Variants in CR1 observed in about 807,000 individuals in gnomAD.
CR1 encodes the protein complement receptor type 1.
A neutral mutation model predicts 187.3 loss-of-function variants in CR1; 116 were observed. That is an observed-to-expected ratio of 0.62 (90% CI 0.53 to 0.72). CR1 has a LOEUF of 0.72. Ranked by LOEUF, CR1 falls within the 30% of genes least tolerant of loss-of-function variation. The pLI, the probability that CR1 is intolerant of heterozygous loss-of-function variation, is 0.00. For synonymous variants in CR1, 576 were observed against 747.1 expected, an observed-to-expected ratio of 0.77 and a Z score of 3.73; for missense variants, 1,731 against 2,110.7, an observed-to-expected ratio of 0.82 and a Z score of 3.52.
chr1:207,600,973 C>A (rs564563784), intron 35 of CR1: 1 of 152,124 alleles, frequency 6.6e-6, no homozygotes, highest in African/African-American at 2.4e-5. Flanking sequence ...ATTTTTCAAT[C>A]CTTTTTGTTA....
At chr1:207,637,368 C>A (rs150758032) in intron 46 of CR1, among the ~76,000 whole-genome samples, 1 of 152,116 alleles carries the variant, frequency 6.6e-6, no homozygotes, top group East Asian at 1.9e-4. Flanking sequence ...GTAATATCAC[C>A]GCACTATTGG....
intron 46 of CR1, among the ~76,000 whole-genome samples, chr1:207,633,965 G>A (rs1571623428): frequency 6.6e-6 from 1 of 152,194 alleles, no homozygotes; most frequent in Non-Finnish European, 1.5e-5. Flanking sequence ...AAGGTGCTCA[G>A]TGGGGGAGCT....
At chr1:207,615,490 T>C (rs1371115452) in intron 40 of CR1, among the ~76,000 whole-genome samples, 2 of 152,178 alleles carry the variant, frequency 1.3e-5, no homozygotes, top group African/African-American at 2.4e-5. Context: ...AACCATCCGC[T>C]TAAATAAAAT....
rs1201411323 is a variant in CR1, at chr1:207,617,567, A to ATG, written c.6890-494_6890-493dup. Among the ~76,000 whole-genome samples the ATG allele has an allele frequency of 4.4e-3, 280 of 63,018 alleles. 7 individuals are homozygous for ATG. The highest frequency in any genetic ancestry group is 0.012 in the African/African-American group (250 of 20,962). The allele number at this position is 63,018 out of a possible 152,430, so 41.3% of individuals were successfully genotyped here. The stretch of plus-strand genomic sequence containing the variant: ...TGTGTATATATATATGTGTATATAT[A>ATG]TGTGTGTGTGTATATATATATATAT... On this transcript the variant is annotated intron_variant, in intron 41 of 46. Coordinates refer to ENST00000367049, the MANE Select transcript of CR1 (RefSeq NM_000651.6).
At chr1:207,519,570 A>G (rs1299735556) in intron 4 of CR1, among the ~76,000 whole-genome samples, 2 of 152,208 alleles carry the variant, frequency 1.3e-5, no homozygotes, top group African/African-American at 2.4e-5. Flanking sequence ...TACCGAAACT[A>G]TTAATAGTTA....
In CR1 at chr1:207,604,250, C is replaced by A. The variant is rs145201473; in HGVS notation, c.5811-3001C>A. Among the ~76,000 whole-genome samples the A allele has an allele frequency of 4.3e-4, 66 of 152,124 alleles. 3 individuals carry two copies. In the East Asian group the frequency reaches 0.011, roughly 26 times the overall value. On this transcript the variant is annotated intron_variant, in intron 35 of 46. Transcript: ENST00000367049. ...TACCATTTTTCTACTTGGGTGTTTG[C>A]CTTTTTATAATTGATGTATAAGAGT... is the stretch of plus-strand genomic sequence containing the variant.
chr1:207,564,469 A>G (rs1660424400), intron 23 of CR1, among the ~76,000 whole-genome samples: 1 of 150,272 alleles, frequency 6.7e-6, no homozygotes, highest in Admixed American at 6.6e-5. Flanking sequence ...AAAGGCAAGT[A>G]TAACTAGTGG....
intron 3 of CR1, among the ~76,000 whole-genome samples, chr1:207,507,841 A>T (rs895375120): frequency 1.3e-5 from 2 of 152,254 alleles, no homozygotes; most frequent in African/African-American, 4.8e-5. Context: ...ACAGATGTTT[A>T]TAACAGCTTT....
At chr1:207,625,893 CA>C (rs975639558) in intron 45 of CR1, among the ~76,000 whole-genome samples, 2 of 152,252 alleles carry the variant, frequency 1.3e-5, no homozygotes, top group East Asian at 3.9e-4. Context: ...TCTATAGGAG[CA>C]ATTAGGGAAG....
At chr1:207,526,058 G>A (rs1571523189) in intron 5 of CR1, among the ~76,000 whole-genome samples, 2 of 152,042 alleles carry the variant, frequency 1.3e-5, no homozygotes. Flanking sequence ...GAGAGCCAGC[G>A]CTGCCCTTAC....
At chr1:207,609,162 A>T in intron 36 of CR1, 128 bp from the exon 37 acceptor site, 1 of 978,402 alleles carries the variant, frequency 1.0e-6, no homozygotes, top group Non-Finnish European at 1.4e-6. Flanking sequence ...CAAATATTTT[A>T]AGAAAATAAC....
At chr1:207,616,824 T>C (rs1188145133) in intron 41 of CR1, 22 bp downstream of exon 41, 2 of 1,611,028 alleles carry the variant, frequency 1.2e-6, no homozygotes, top group Non-Finnish European at 1.7e-6. Context: ...CTTCCACATA[T>C]CCTAAATGGG....
chr1:207,595,893 CTT>C (rs1299609381), intron 35 of CR1, among the ~76,000 whole-genome samples: 1 of 151,144 alleles, frequency 6.6e-6, no homozygotes, highest in Non-Finnish European at 1.5e-5. Flanking sequence ...GAAGAAGAAA[CTT>C]GATATAAAAA....
At chr1:207,613,884 G>T (rs1271505879) in intron 39 of CR1, among the ~76,000 whole-genome samples, 2 of 152,080 alleles carry the variant, frequency 1.3e-5, no homozygotes, top group African/African-American at 2.4e-5. Context: ...GGTTCAGCAT[G>T]CTTCTGTGAG....
intron 13 of CR1, among the ~76,000 whole-genome samples, chr1:207,544,808 T>C (rs1459542365): frequency 1.5e-5 from 2 of 137,624 alleles, no homozygotes; most frequent in Admixed American, 7.2e-5. Context: ...AGAGAAGACT[T>C]GAAAGGAGAT....
chr1:207,626,477 G>C (rs1338810158), intron 45 of CR1, among the ~76,000 whole-genome samples: 1 of 152,176 alleles, frequency 6.6e-6, no homozygotes, highest in Non-Finnish European at 1.5e-5. Flanking sequence ...GAAAGACAAG[G>C]GCATAAAGGG....
rs561919256 is a variant in CR1 at position 207,508,919 on chromosome 1, T to A, written c.401+2106T>A. Among the ~76,000 whole-genome samples, 9 of 152,306 alleles carry A rather than the reference T, an allele frequency of 5.9e-5. No homozygotes were observed. In the East Asian group the frequency reaches 1.7e-3, roughly 29 times the overall value. ...ATTTCTCTGTCTCTGCCTATGTAAG[T>A]GATACCTTATGTCCTCCACTTTGGA... On this transcript the variant is annotated intron_variant, in intron 3 of 46. Transcript: ENST00000367049.
intron 27 of CR1, among the ~76,000 whole-genome samples, chr1:207,572,960 A>G (rs1660623629): frequency 6.6e-6 from 1 of 152,058 alleles, no homozygotes; most frequent in African/African-American, 2.4e-5. Context: ...TAATAAGGAC[A>G]CCAGTCACAC....
At chr1:207,583,744 G>C (rs1290412221) in intron 32 of CR1, among the ~76,000 whole-genome samples, 2 of 152,110 alleles carry the variant, frequency 1.3e-5, no homozygotes, top group Admixed American at 6.5e-5. Flanking sequence ...TCAGCTATTT[G>C]ACAATCTTAA....
Sources: gnomAD v4.1 joint callset for allele counts (sites outside exome capture counted in the v4.1 genomes callset) on GRCh38, gnomAD v4.1.1 for gene constraint, MANE v1.5 for transcripts, NCBI Gene and HGNC (gene_info 2026-07-23, HGNC 2026-07-21) for gene names.